Variants in DIP2C observed in about 807,000 individuals in gnomAD.
DIP2C encodes the protein disco-interacting protein 2 homolog C.
DIP2C carries 33 observed loss-of-function variants against 192.4 expected under a neutral mutation model. The ratio of observed to expected loss-of-function variants is 0.17; its 90% CI spans 0.13 to 0.23. The LOEUF (loss-of-function observed/expected upper bound fraction) is 0.23, where lower values mean the gene tolerates loss of function less well. Ranked by LOEUF, DIP2C falls within the 10% of genes least tolerant of loss-of-function variation. The pLI is 1.00. For missense variants in DIP2C, 1,537 were observed against 2,110.1 expected (o/e 0.73, Z 5.32); for synonymous variants, 979 against 864.1 (o/e 1.13, Z -2.33).
intron 2 of DIP2C, chr10:484,985 T>C (rs2133546760): frequency 6.4e-7 from 1 of 1,554,488 alleles, no homozygotes; most frequent in Non-Finnish European, 8.7e-7. Context: ...TAATTCAAAC[T>C]TTAGTTTTTT....
chr10:421,157 G>A (rs1966157712), intron 5 of DIP2C, among the ~76,000 whole-genome samples: 1 of 152,056 alleles, frequency 6.6e-6, no homozygotes, highest in Non-Finnish European at 1.5e-5. Flanking sequence ...TTATCTTTGT[G>A]CCTAATTAGA....
intron 1 of DIP2C, among the ~76,000 whole-genome samples, chr10:653,636 C>T (rs1322008113): frequency 2.0e-5 from 3 of 152,170 alleles, no homozygotes; most frequent in African/African-American, 7.2e-5. Flanking sequence ...AGAGCCATAA[C>T]TGTCTCCTAC....
At position 668,507 on chromosome 10, in the gene DIP2C, C is replaced by T. The variant is rs1224713987; in HGVS notation, c.85+20987G>A. 5 of 152,232 alleles carry T rather than the reference C, an allele frequency of 3.3e-5. No individual in the cohort carries two copies. The East Asian group carries it at 9.7e-4, about 29-fold the overall frequency. 9.4% of individuals were successfully genotyped at this position (152,232 alleles called of 1,614,324 possible). ...ACATTCATACAACACAACACTCATACAACATACAAAACATACAACTCACAA... is the reference window on the plus strand; with the variant it reads ...ACATTCATACAACACAACACTCATATAACATACAAAACATACAACTCACAA... On this transcript the variant is annotated intron_variant, in intron 1 of 36. Coordinates refer to ENST00000280886, the MANE Select transcript of DIP2C (RefSeq NM_014974.3).
intron 1 of DIP2C, among the ~76,000 whole-genome samples, chr10:572,040 C>T (rs1334719877): frequency 6.6e-6 from 1 of 152,180 alleles, no homozygotes; most frequent in Non-Finnish European, 1.5e-5. Context: ...GAATTCTGCC[C>T]GAGGCTCTAG....
intron 1 of DIP2C, among the ~76,000 whole-genome samples, chr10:545,686 GCAGACTGACAAAATGGGTCTCACAGTA>G (rs947960351): frequency 2.0e-5 from 3 of 152,198 alleles, no homozygotes; most frequent in Admixed American, 1.3e-4. Flanking sequence ...ACGGTACCCA[GCAGACTGACAAAATGGGTCTCACAGTA>G]TCGACTCTTA....
intron 3 of DIP2C, among the ~76,000 whole-genome samples, chr10:445,906 G>A (rs1968149740): frequency 6.7e-6 from 1 of 150,002 alleles, no homozygotes; most frequent in Non-Finnish European, 1.5e-5. Context: ...CTGGCCATCT[G>A]TATACATCTG....
intron 1 of DIP2C, among the ~76,000 whole-genome samples, chr10:670,690 T>C (rs565238202): frequency 6.6e-6 from 1 of 152,328 alleles, no homozygotes; most frequent in East Asian, 1.9e-4. Flanking sequence ...TTTTAAGTAA[T>C]CACTAAATAA....
chr10:274,852 GAC>G lies in DIP2C; in HGVS notation c.*2471_*2472del, dbSNP rs1554799027. On this transcript the variant is annotated 3_prime_UTR_variant, in exon 37 of 37. Coordinates refer to ENST00000280886, the MANE Select transcript of DIP2C (RefSeq NM_014974.3). ...TGACTTCAAAAGCACAAGGTCACAA[GAC>G]AAACATTTTTTACAATCTCATGAAT... 6.6e-6 allele frequency: 1 copy of G among 152,204 alleles called. No individual in the cohort carries two copies. Among genetic ancestry groups the G allele is most frequent in the Non-Finnish European group, 1.5e-5 (1 of 68,042 alleles). The allele number at this position is 152,204 out of a possible 1,614,324, so 9.4% of individuals were successfully genotyped here. A position where few individuals can be genotyped will look rare whatever the true frequency, so the allele number is the denominator to read the frequency against.
chr10:503,742 T>A (rs1242503195), intron 1 of DIP2C, among the ~76,000 whole-genome samples: 1 of 152,220 alleles, frequency 6.6e-6, no homozygotes, highest in Non-Finnish European at 1.5e-5. Context: ...ATATGCACAC[T>A]GAGGTCTGCA....
chr10:477,184 C>T (rs1400267861), intron 2 of DIP2C, among the ~76,000 whole-genome samples: 3 of 141,906 alleles, frequency 2.1e-5, no homozygotes, highest in African/African-American at 8.0e-5. Flanking sequence ...TTAGCAAAGT[C>T]AGCAAAGAAT....
At chr10:347,468 C>T (rs1958545846) in intron 26 of DIP2C, among the ~76,000 whole-genome samples, 1 of 125,212 alleles carries the variant, frequency 8.0e-6, no homozygotes, top group Non-Finnish European at 1.6e-5. Flanking sequence ...GCATAGTTCT[C>T]CCGGAAACCC....
At position 337,625 on chromosome 10, in the gene DIP2C, T is replaced by C. The variant is rs1564576438; in HGVS notation, c.3584+3574A>G. Among the ~76,000 whole-genome samples the C allele has an allele frequency of 2.1e-5, 3 of 141,040 alleles. No individual in the cohort carries two copies. In the South Asian group the frequency reaches 6.9e-4, roughly 33 times the overall value. 92.5% of individuals were successfully genotyped at this position (141,040 alleles called of 152,430 possible). ...GTGGAGGCCTAGGCAGCTGTGTGTG[T>C]GTGCGCACGTGTGTTGTGGAGGCGT... On this transcript the variant is annotated intron_variant, in intron 29 of 36. Coordinates refer to ENST00000280886, the MANE Select transcript of DIP2C (RefSeq NM_014974.3).
At chr10:454,679 T>C (rs1969140161) in intron 3 of DIP2C, among the ~76,000 whole-genome samples, 1 of 151,120 alleles carries the variant, frequency 6.6e-6, no homozygotes, top group African/African-American at 2.5e-5. Flanking sequence ...CTTGATGTCA[T>C]TATTGCAATG....
chr10:652,010 G>C lies in DIP2C; in HGVS notation c.85+37484C>G, dbSNP rs996619047. The C allele has an allele frequency of 1.2e-5, 2 of 161,400 alleles. No homozygotes were observed. Among genetic ancestry groups the C allele is most frequent in the African/African-American group, 4.8e-5 (2 of 41,492 alleles). 10.0% of individuals were successfully genotyped at this position (161,400 alleles called of 1,614,324 possible). On this transcript the variant is annotated intron_variant, in intron 1 of 36. Transcript: ENST00000280886. This position sits in a 1 kb window ranked among gnomAD's most constrained non-coding sequence, Gnocchi z 4.5. ...CCTCCGACACACGTTTCACATGGCA[G>C]GAACACTGTATTTTCTCCCTGAGTT...
At chr10:443,324 A>C (rs1338601713) in intron 3 of DIP2C, among the ~76,000 whole-genome samples, 1 of 152,134 alleles carries the variant, frequency 6.6e-6, no homozygotes, top group African/African-American at 2.4e-5. Context: ...TCACTCATTT[A>C]CTTCTGTCAA....
At position 604,553 on chromosome 10, in the gene DIP2C, G is replaced by A. The variant is rs112470375; in HGVS notation, c.85+84941C>T. 2.4e-3 allele frequency among the ~76,000 whole-genome samples: 367 copies of A among 152,358 alleles called. 1 individual carries two copies. Among genetic ancestry groups the A allele is most frequent in the African/African-American group, 8.4e-3 (348 of 41,584 alleles). On this transcript the variant is annotated intron_variant, in intron 1 of 36. Coordinates refer to ENST00000280886, the MANE Select transcript of DIP2C (RefSeq NM_014974.3). ...TGAGCCTGGCGTCATGAGCGCAAGCGTGCGGACACGCACCCTGGGCCCAAG... is the reference window on the plus strand; with the variant it reads ...TGAGCCTGGCGTCATGAGCGCAAGCATGCGGACACGCACCCTGGGCCCAAG...
rs1964281627 is a variant in DIP2C at position 399,879 on chromosome 10, C to G, written c.1150-660G>C. ...CCACACACGTGCATGTGTTGTGGGCCCTGGCCCTGCAGCAGTCTTCCCTGT... is the reference window on the plus strand; with the variant it reads ...CCACACACGTGCATGTGTTGTGGGCGCTGGCCCTGCAGCAGTCTTCCCTGT... On this transcript the variant is annotated intron_variant, in intron 9 of 36. Coordinates refer to ENST00000280886, the MANE Select transcript of DIP2C (RefSeq NM_014974.3). Among the ~76,000 whole-genome samples, 5 of 152,150 alleles carry G rather than the reference C, an allele frequency of 3.3e-5. No homozygotes were observed. The South Asian group carries it at 1.0e-3, about 32-fold the overall frequency.
intron 24 of DIP2C, among the ~76,000 whole-genome samples, chr10:354,819 G>A (rs1008853483): frequency 9.9e-5 from 15 of 151,886 alleles, no homozygotes; most frequent in Admixed American, 9.2e-4. Flanking sequence ...AGATGATACT[G>A]GAAATCTCTA....
intron 1 of DIP2C, among the ~76,000 whole-genome samples, chr10:493,660 C>T (rs908472100): frequency 7.9e-5 from 12 of 152,118 alleles, no homozygotes; most frequent in African/African-American, 2.9e-4. Flanking sequence ...GGAGAGACCC[C>T]CTCAGAGTTT....
Sources: allele counts gnomAD v4.1 joint callset (sites outside exome capture counted in the v4.1 genomes callset), GRCh38; gene constraint gnomAD v4.1.1; non-coding constraint Gnocchi (gnomAD v3.1); transcripts MANE v1.5; gene names NCBI Gene and HGNC (gene_info 2026-07-23, HGNC 2026-07-21).